ZNF407: variants seen among roughly 807,000 people sequenced by gnomAD.
ZNF407 encodes the protein zinc finger protein 407.
Under a neutral mutation model 131.2 loss-of-function variants are expected in ZNF407, and 17 were observed. The observed-to-expected ratio is 0.13, with a 90% CI of 0.09 to 0.19. ZNF407 has a LOEUF of 0.19. Among genes scored for constraint, ZNF407 ranks in the 10% least tolerant of loss-of-function variants. The probability of loss-of-function intolerance (pLI) is 1.00; values close to 1 mark genes in which losing one functional copy is unlikely to be tolerated. For missense variants in ZNF407, 2,681 were observed against 2,830.6 expected, an observed-to-expected ratio of 0.95 and a Z score of 1.20; for synonymous variants, 1,156 against 1,062.0, an observed-to-expected ratio of 1.09 and a Z score of -1.72.
intron 4 of ZNF407, among the ~76,000 whole-genome samples, chr18:74,828,834 G>A (rs1423352557): frequency 6.6e-6 from 1 of 152,228 alleles, no homozygotes; most frequent in African/African-American, 2.4e-5. Context: ...CATAAAAGGG[G>A]TTAATTTTCA....
At chr18:74,798,915 A>C (rs1969970327) in intron 4 of ZNF407, among the ~76,000 whole-genome samples, 1 of 152,112 alleles carries the variant, frequency 6.6e-6, no homozygotes, top group Non-Finnish European at 1.5e-5. Flanking sequence ...TGATGCTTTG[A>C]AATTAAAATA....
chr18:74,860,239 G>C (rs1210210893), intron 4 of ZNF407, among the ~76,000 whole-genome samples: 1 of 151,950 alleles, frequency 6.6e-6, no homozygotes, highest in Non-Finnish European at 1.5e-5. Context: ...CAAGGATGCA[G>C]TGAGCTATGA....
intron 8 of ZNF407, among the ~76,000 whole-genome samples, chr18:75,042,512 T>C (rs1327791386): frequency 6.6e-6 from 1 of 152,074 alleles, no homozygotes; most frequent in Non-Finnish European, 1.5e-5. Context: ...AATTTAGGAG[T>C]GCTCCACAGC....
intron 3 of ZNF407, among the ~76,000 whole-genome samples, chr18:74,770,458 A>T (rs759656944): frequency 7.9e-5 from 12 of 152,070 alleles, no homozygotes; most frequent in Non-Finnish European, 1.8e-4. Flanking sequence ...CTACAGAACA[A>T]CCCAGAGCTT....
intron 4 of ZNF407, among the ~76,000 whole-genome samples, chr18:74,793,344 A>T (rs2145054266): frequency 6.6e-6 from 1 of 152,348 alleles, no homozygotes; most frequent in African/African-American, 2.4e-5. Context: ...TTGGTGTTAA[A>T]TTCACAAGTG....
chr18:74,782,889 G>A (rs1249839914), intron 4 of ZNF407, among the ~76,000 whole-genome samples: 2 of 152,090 alleles, frequency 1.3e-5, no homozygotes, highest in African/African-American at 2.4e-5. Context: ...AGGCTTGAGC[G>A]ACCGTGCCCG....
At chr18:74,992,827 A>C (rs2122140955) in intron 8 of ZNF407, among the ~76,000 whole-genome samples, 1 of 152,370 alleles carries the variant, frequency 6.6e-6, no homozygotes, top group East Asian at 1.9e-4. Context: ...TTCAAACAAA[A>C]AATAAGCAAA....
Position 75,007,482 on chromosome 18 carries a change from C to T in ZNF407, c.5429-55668C>T, listed in dbSNP as rs1035082491. Among the ~76,000 whole-genome samples, 4 of 152,206 alleles carry T rather than the reference C, an allele frequency of 2.6e-5. 1 individual carries two copies. The highest frequency in any genetic ancestry group is 9.7e-5 in the African/African-American group (4 of 41,444). On this transcript the variant is annotated intron_variant, in intron 8 of 8. Transcript: ENST00000299687. The stretch of plus-strand genomic sequence containing the variant: ...CGCTAACAAGTGTGCAGACCCACAA[C>T]TCCTGGACATTCTCGCACACAATCA...
chr18:74,620,171 A>T (rs1448841011), intron 1 of ZNF407, among the ~76,000 whole-genome samples: 1 of 152,234 alleles, frequency 6.6e-6, no homozygotes, highest in Admixed American at 6.5e-5. Flanking sequence ...GAGATGGTTG[A>T]TATAAGGTTG....
At chr18:74,919,761 G>A (rs187966047) in intron 7 of ZNF407, among the ~76,000 whole-genome samples, 16 of 152,336 alleles carry the variant, frequency 1.1e-4, no homozygotes, top group Admixed American at 9.2e-4. Flanking sequence ...ATCTGACAGG[G>A]ATGAAAGAGC....
In ZNF407 at chr18:74,635,717, C is replaced by A. The variant is rs1418431141; in HGVS notation, c.4687+11C>A. ...TTCGCACTCACACAGGTATGTAGCT[C>A]TGCAGCAAGCCAAGTCAGTGAGGAC... On this transcript the variant is annotated intron_variant, in intron 2 of 8. Coordinates refer to ENST00000299687, the MANE Select transcript of ZNF407 (RefSeq NM_017757.3). The surrounding 1 kb of genome is among the most constrained non-coding windows in gnomAD (Gnocchi z 4.7). The A allele has an allele frequency of 6.4e-7, 1 of 1,552,076 alleles. No individual in the cohort carries two copies. Among genetic ancestry groups the A allele is most frequent in the Non-Finnish European group, 8.7e-7 (1 of 1,149,636 alleles).
chr18:74,932,160 T>C (rs1366987009), intron 8 of ZNF407, among the ~76,000 whole-genome samples: 1 of 152,236 alleles, frequency 6.6e-6, no homozygotes, highest in East Asian at 1.9e-4. Flanking sequence ...AGCTTTATGC[T>C]TTTATTACAC....
At chr18:74,614,533 T>C (rs932123612) in intron 1 of ZNF407, among the ~76,000 whole-genome samples, 1 of 152,186 alleles carries the variant, frequency 6.6e-6, no homozygotes, top group Non-Finnish European at 1.5e-5. Flanking sequence ...AAATTTGCAT[T>C]CAGTGGATAT....
At chr18:74,909,140 G>A (rs73971194) in intron 7 of ZNF407, among the ~76,000 whole-genome samples, 10 of 149,626 alleles carry the variant, frequency 6.7e-5, no homozygotes, top group African/African-American at 2.5e-4. Context: ...AAAAGAAATT[G>A]CATACCTGCC....
In ZNF407 at chr18:75,064,253, G is replaced by A. The variant is rs1295780891; in HGVS notation, c.6532G>A (p.Gly2178Arg). 1 of 1,606,904 alleles carries A rather than the reference G, an allele frequency of 6.2e-7. No homozygotes were observed. The highest frequency in any genetic ancestry group is 1.1e-5 in the South Asian group (1 of 90,336). Residue 2178 changes from glycine (G) to arginine (R), a missense_variant, in exon 9 of 9, where the codon GGG (glycine) becomes AGG (arginine). Transcript: ENST00000299687. ...THYILTELPPGVQDEPGLYSH... is the reference protein window; with the variant it reads ...THYILTELPPRVQDEPGLYSH... The stretch of plus-strand genomic sequence containing the variant: ...CTACATCCTGACAGAGCTGCCCCCA[G>A]GGGTGCAGGACGAGCCGGGCCTGTA...
chr18:74,726,111 G>A (rs545825740), intron 3 of ZNF407, among the ~76,000 whole-genome samples: 1 of 152,252 alleles, frequency 6.6e-6, no homozygotes, highest in Middle Eastern at 3.4e-3. Context: ...CCACTTTCTA[G>A]TTCAGTGACA....
At chr18:74,606,999 G>A (rs542577959) in intron 1 of ZNF407, among the ~76,000 whole-genome samples, 1 of 152,342 alleles carries the variant, frequency 6.6e-6, no homozygotes, top group East Asian at 1.9e-4. Context: ...TAGAGGGAAT[G>A]AGGATTGTGG....
chr18:74,726,826 C>G (rs1968169096), intron 3 of ZNF407, among the ~76,000 whole-genome samples: 1 of 152,120 alleles, frequency 6.6e-6, no homozygotes, highest in Non-Finnish European at 1.5e-5. Context: ...ATGCTCAGTA[C>G]TGAGTGCAGT....
intron 1 of ZNF407, among the ~76,000 whole-genome samples, chr18:74,611,991 C>A (rs757984674): frequency 2.0e-5 from 3 of 152,068 alleles, no homozygotes; most frequent in African/African-American, 4.8e-5. Flanking sequence ...GGAGCAATGT[C>A]CATCAGAGGA....
Sources: gnomAD v4.1 joint callset for allele counts (sites outside exome capture counted in the v4.1 genomes callset) on GRCh38, gnomAD v4.1.1 for gene constraint, Gnocchi (gnomAD v3.1) non-coding constraint, MANE v1.5 for transcripts, NCBI Gene and HGNC (gene_info 2026-07-23, HGNC 2026-07-21) for gene names.